Variants in LPP observed in about 807,000 individuals in gnomAD.
LPP encodes the protein LIM domain containing preferred translocation partner in lipoma.
LPP carries 38 observed loss-of-function variants against 60.4 expected under a neutral mutation model. That is an observed-to-expected ratio of 0.63 (90% CI 0.49 to 0.83). The LOEUF (loss-of-function observed/expected upper bound fraction) is 0.83, where lower values mean the gene tolerates loss of function less well. Among genes scored for constraint, LPP ranks in the 40% least tolerant of loss-of-function variants. The probability of loss-of-function intolerance (pLI) is 0.00; values close to 1 mark genes in which losing one functional copy is unlikely to be tolerated. For synonymous variants in LPP, 328 were observed against 290.8 expected (o/e 1.13, Z -1.30); for missense variants, 902 against 783.6 (o/e 1.15, Z -1.80).
intron 6 of LPP, among the ~76,000 whole-genome samples, chr3:188,551,598 G>A (rs1228975986): frequency 6.6e-6 from 1 of 152,106 alleles, no homozygotes; most frequent in Non-Finnish European, 1.5e-5. Context: ...GTTTTAGTAG[G>A]GAAAATATAA....
At chr3:188,316,828 C>T (rs1310512739) in intron 2 of LPP, among the ~76,000 whole-genome samples, 1 of 152,224 alleles carries the variant, frequency 6.6e-6, no homozygotes, top group Non-Finnish European at 1.5e-5. Context: ...GTGGGACAAA[C>T]ACTCCGCCTT....
At chr3:188,513,013 T>A (rs377475125) in intron 5 of LPP, among the ~76,000 whole-genome samples, 6 of 152,222 alleles carry the variant, frequency 3.9e-5, no homozygotes, top group South Asian at 4.1e-4. Flanking sequence ...TATGAAAGTT[T>A]TCTTAATGTA....
intron 7 of LPP, among the ~76,000 whole-genome samples, chr3:188,698,603 C>T (rs1577079592): frequency 6.6e-6 from 1 of 151,964 alleles, no homozygotes; most frequent in Non-Finnish European, 1.5e-5. Context: ...AGATTCTCCT[C>T]GACTCTGAGG....
At chr3:188,372,168 A>C (rs866797764) in intron 3 of LPP, among the ~76,000 whole-genome samples, 22 of 151,904 alleles carry the variant, frequency 1.4e-4, no homozygotes, top group Middle Eastern at 3.4e-3. Flanking sequence ...AGGGGAAAAA[A>C]CTTTTTCAAA....
At chr3:188,847,937 T>A (rs1221894015) in intron 9 of LPP, among the ~76,000 whole-genome samples, 1 of 152,172 alleles carries the variant, frequency 6.6e-6, no homozygotes, top group Non-Finnish European at 1.5e-5. Flanking sequence ...GAGCTGGAAC[T>A]AGGAAGAAGG....
chr3:188,769,520 G>T (rs1425423405), intron 9 of LPP, among the ~76,000 whole-genome samples: 7 of 152,166 alleles, frequency 4.6e-5, no homozygotes, highest in African/African-American at 1.4e-4. Flanking sequence ...CCCAGTTCCT[G>T]TTGCAAACCG....
intron 2 of LPP, among the ~76,000 whole-genome samples, chr3:188,304,396 A>G (rs1328561750): frequency 2.0e-5 from 3 of 152,188 alleles, no homozygotes; most frequent in Non-Finnish European, 4.4e-5. Flanking sequence ...TCACCAAATT[A>G]TTTTGGCAGA....
chr3:188,192,719 G>C (rs778490817), intron 1 of LPP, among the ~76,000 whole-genome samples: 4 of 152,154 alleles, frequency 2.6e-5, no homozygotes, highest in Non-Finnish European at 5.9e-5. Context: ...CTTTTCCACT[G>C]TATGGCCTCT....
chr3:188,458,678 T>G (rs906532636), intron 4 of LPP, among the ~76,000 whole-genome samples: 1 of 152,210 alleles, frequency 6.6e-6, no homozygotes, highest in Non-Finnish European at 1.5e-5. Flanking sequence ...TAGTCACTTC[T>G]GCAAATTTTA....
chr3:188,434,450 C>A (rs1394503394), intron 4 of LPP, among the ~76,000 whole-genome samples: 2 of 152,104 alleles, frequency 1.3e-5, no homozygotes, highest in Admixed American at 1.3e-4. Context: ...TTTGAAAACA[C>A]CAGTCTAGGA....
intron 6 of LPP, among the ~76,000 whole-genome samples, chr3:188,577,241 A>G (rs1387392082): frequency 2.0e-5 from 3 of 152,176 alleles, no homozygotes; most frequent in African/African-American, 7.2e-5. Flanking sequence ...AAAAAATCCT[A>G]ATTCTGTTAT....
intron 4 of LPP, among the ~76,000 whole-genome samples, chr3:188,430,236 C>G (rs1282673676): frequency 6.6e-6 from 1 of 151,910 alleles, no homozygotes; most frequent in Non-Finnish European, 1.5e-5. Flanking sequence ...AACTAGAGTT[C>G]AGAATGAGTA....
At chr3:188,683,586 A>G (rs900188130) in intron 7 of LPP, among the ~76,000 whole-genome samples, 1 of 152,126 alleles carries the variant, frequency 6.6e-6, no homozygotes, top group African/African-American at 2.4e-5. Flanking sequence ...TGCCTTGTTC[A>G]CTTGGGTATT....
chr3:188,341,680 C>G lies in LPP; in HGVS notation c.-49C>G. ...AACACTAGCATTGCAGTTGGCTGAA[C>G]CTTGTGTCAACCATCCATTCCAGGA... On this transcript the variant is annotated 5_prime_UTR_variant, in exon 3 of 12. Coordinates refer to ENST00000617246, the MANE Select transcript of LPP (RefSeq NM_001375462.1). The G allele has an allele frequency of 1.0e-6, 1 of 984,950 alleles. No homozygotes were observed. Among genetic ancestry groups the G allele is most frequent in the African/African-American group, 1.7e-5 (1 of 57,298 alleles). 61.0% of individuals were successfully genotyped at this position (984,950 alleles called of 1,614,324 possible). A position where few individuals can be genotyped will look rare whatever the true frequency, so the allele number is the denominator to read the frequency against.
chr3:188,472,831 A>C (rs1461354472), intron 4 of LPP: 1 of 152,150 alleles, frequency 6.6e-6, no homozygotes, highest in Admixed American at 6.6e-5. Context: ...CAAGTCTCCT[A>C]AATAGTAAGA....
At chr3:188,247,084 C>T (rs1217118350) in intron 2 of LPP, 2 of 563,744 alleles carry the variant, frequency 3.5e-6, no homozygotes, top group African/African-American at 4.0e-5. Flanking sequence ...GTTCAGATCA[C>T]TCTAATTTCC....
At chr3:188,388,869 G>A (rs540267454) in intron 3 of LPP, among the ~76,000 whole-genome samples, 1 of 152,288 alleles carries the variant, frequency 6.6e-6, no homozygotes, top group East Asian at 1.9e-4. Context: ...GATGGTCTCT[G>A]TCACAGGTCC....
chr3:188,240,601 T>A (rs1577481471), intron 2 of LPP, among the ~76,000 whole-genome samples: 1 of 152,272 alleles, frequency 6.6e-6, no homozygotes, highest in African/African-American at 2.4e-5. Flanking sequence ...AGTTAGGATA[T>A]TAGACCAGCA....
At chr3:188,580,602 G>A (rs1226435578) in intron 6 of LPP, among the ~76,000 whole-genome samples, 2 of 152,160 alleles carry the variant, frequency 1.3e-5, no homozygotes, top group African/African-American at 4.8e-5. Flanking sequence ...TGTATTTAGG[G>A]TGGGAATCAT....
Sources: gnomAD v4.1 joint callset for allele counts (sites outside exome capture counted in the v4.1 genomes callset) on GRCh38, gnomAD v4.1.1 for gene constraint, MANE v1.5 for transcripts, NCBI Gene and HGNC (gene_info 2026-07-23, HGNC 2026-07-21) for gene names.